NAALADL2: variants seen among roughly 807,000 people sequenced by gnomAD.
NAALADL2 encodes N-acetylated alpha-linked acidic dipeptidase like 2.
Under a neutral mutation model 87.2 loss-of-function variants are expected in NAALADL2, and 76 were observed. That is an observed-to-expected ratio of 0.87 (90% CI 0.72 to 1.05). The LOEUF (loss-of-function observed/expected upper bound fraction) is 1.05. Among genes scored for constraint, NAALADL2 ranks in the 50% least tolerant of loss-of-function variants. The pLI, the probability that NAALADL2 is intolerant of heterozygous loss-of-function variation, is 0.00. For synonymous variants in NAALADL2, 354 were observed against 331.0 expected (o/e 1.07, Z -0.75); for missense variants, 1,089 against 945.8 (o/e 1.15, Z -1.99).
intron 1 of NAALADL2, among the ~76,000 whole-genome samples, chr3:174,898,634 C>G (rs1731918016): frequency 6.6e-6 from 1 of 151,452 alleles, no homozygotes; most frequent in Non-Finnish European, 1.5e-5. Flanking sequence ...TATACATCTA[C>G]TATGTACTCA....
chr3:175,633,039 C>T (rs939899291), intron 11 of NAALADL2, among the ~76,000 whole-genome samples: 19 of 152,150 alleles, frequency 1.2e-4, no homozygotes, highest in Admixed American at 1.2e-3. Flanking sequence ...CTTAGCAACA[C>T]TGGTCCAGCT....
At chr3:175,485,400 C>G (rs1227255864) in intron 9 of NAALADL2, among the ~76,000 whole-genome samples, 1 of 152,114 alleles carries the variant, frequency 6.6e-6, no homozygotes, top group Non-Finnish European at 1.5e-5. Context: ...CACACGATCA[C>G]AAGGTATTAG....
intron 2 of NAALADL2, among the ~76,000 whole-genome samples, chr3:174,646,245 G>A (rs1723770349): frequency 6.6e-6 from 1 of 152,110 alleles, no homozygotes; most frequent in South Asian, 2.1e-4. Context: ...GCCTGATTCT[G>A]TAGTTCTGGT....
At chr3:174,630,353 G>T (rs569469347) in intron 2 of NAALADL2, among the ~76,000 whole-genome samples, 27 of 151,954 alleles carry the variant, frequency 1.8e-4, no homozygotes, top group Non-Finnish European at 3.7e-4. Context: ...GAAAACCTGG[G>T]TCATACATTT....
rs867482275 is a variant in NAALADL2 at position 175,523,575 on chromosome 3, C to G, written c.1653+51817C>G. 2.6e-5 allele frequency among the ~76,000 whole-genome samples: 4 copies of G among 152,304 alleles called. No homozygotes were observed. The Middle Eastern group carries it at 0.01, about 389-fold the overall frequency. On this transcript the variant is annotated intron_variant, in intron 9 of 13. Transcript: ENST00000454872. Reference sequence around the variant, plus strand: ...AAAATTTTCTTTTTAATCCTCCGCACGGCAAGTTACTTCTCTAGAAGCGAA... The same window carrying G: ...AAAATTTTCTTTTTAATCCTCCGCAGGGCAAGTTACTTCTCTAGAAGCGAA...
At chr3:174,701,298 C>A (rs923475537) in intron 2 of NAALADL2, among the ~76,000 whole-genome samples, 1 of 151,468 alleles carries the variant, frequency 6.6e-6, no homozygotes, top group African/African-American at 2.4e-5. Context: ...ACACCTAGCA[C>A]TGAAAATTGT....
chr3:174,631,075 ATATTATTAT>A (rs1722068159), intron 2 of NAALADL2, among the ~76,000 whole-genome samples: 1 of 151,974 alleles, frequency 6.6e-6, no homozygotes, highest in South Asian at 2.1e-4. Flanking sequence ...GATTCTGCAC[ATATTATTAT>A]TATCCCTTAG....
intron 1 of NAALADL2, among the ~76,000 whole-genome samples, chr3:174,931,123 C>T (rs1359323452): frequency 3.9e-5 from 6 of 152,012 alleles, no homozygotes; most frequent in Admixed American, 1.3e-4. Context: ...GGGGCTGAAT[C>T]GATCAAAATA....
At chr3:175,258,018 A>T (rs1465212387) in intron 4 of NAALADL2, among the ~76,000 whole-genome samples, 3 of 152,128 alleles carry the variant, frequency 2.0e-5, no homozygotes, top group Non-Finnish European at 1.5e-5. Context: ...TAGTTAAATG[A>T]AACGATGGGG....
chr3:175,326,055 C>T (rs1412270519), intron 5 of NAALADL2, among the ~76,000 whole-genome samples: 1 of 152,190 alleles, frequency 6.6e-6, no homozygotes. Context: ...TTTCATTTTA[C>T]TGTAAACAGT....
intron 3 of NAALADL2, among the ~76,000 whole-genome samples, chr3:174,802,652 GC>G (rs1304420124): frequency 1.3e-5 from 2 of 152,178 alleles, no homozygotes; most frequent in East Asian, 3.9e-4. Context: ...CTCCCGACAG[GC>G]CCCGGTGTGT....
chr3:175,176,300 G>A (rs1338685282), intron 2 of NAALADL2, among the ~76,000 whole-genome samples: 1 of 151,856 alleles, frequency 6.6e-6, no homozygotes, highest in East Asian at 1.9e-4. Context: ...AGCAACACTT[G>A]GTTTACTAAA....
intron 2 of NAALADL2, among the ~76,000 whole-genome samples, chr3:175,144,395 G>T (rs1180651228): frequency 6.6e-6 from 1 of 151,978 alleles, no homozygotes; most frequent in East Asian, 1.9e-4. Context: ...TGTAGAAAAA[G>T]CCCATTCATC....
intron 11 of NAALADL2, among the ~76,000 whole-genome samples, chr3:175,713,749 A>C (rs1277558779): frequency 6.6e-6 from 1 of 151,786 alleles, no homozygotes; most frequent in Non-Finnish European, 1.5e-5. Context: ...TTTTTTTAAT[A>C]CTTTAAGTTC....
At chr3:175,070,251 G>C (rs1160780871) in intron 1 of NAALADL2, among the ~76,000 whole-genome samples, 1 of 151,588 alleles carries the variant, frequency 6.6e-6, no homozygotes. Flanking sequence ...ATTGTCTTAG[G>C]CATTTTATGT....
At chr3:175,357,678 G>A (rs1764546506) in intron 5 of NAALADL2, among the ~76,000 whole-genome samples, 2 of 152,086 alleles carry the variant, frequency 1.3e-5, no homozygotes, top group Admixed American at 6.6e-5. Context: ...AACCTAACAA[G>A]ATATGTCAGA....
At chr3:174,981,355 A>G (rs894225698) in intron 1 of NAALADL2, among the ~76,000 whole-genome samples, 1 of 152,160 alleles carries the variant, frequency 6.6e-6, no homozygotes, top group Admixed American at 6.5e-5. Flanking sequence ...AACATTTTTA[A>G]AAGTATTTTA....
rs1013204105 is a variant in NAALADL2, at chr3:174,522,964, A to C, written c.-183-27605A>C. 1.3e-4 allele frequency among the ~76,000 whole-genome samples: 19 copies of C among 151,516 alleles called. No individual in the cohort carries two copies. In the South Asian group the frequency reaches 1.9e-3, roughly 15 times the overall value. On this transcript the variant is annotated intron_variant, in intron 1 of 3. Coordinates refer to the NAALADL2 transcript ENST00000434257. ...AAAAAAAAAAAAAAAAAAAGAAAAA[A>C]AACAACAACAAGGAAAAGAAACTCT... is the stretch of plus-strand genomic sequence containing the variant.
intron 1 of NAALADL2, among the ~76,000 whole-genome samples, chr3:175,089,566 C>T (rs1719686605): frequency 6.6e-6 from 1 of 152,034 alleles, no homozygotes; most frequent in Non-Finnish European, 1.5e-5. Flanking sequence ...TATAGTAATT[C>T]TTGGCTCATT....
Sources: gnomAD v4.1 joint callset for allele counts (sites outside exome capture counted in the v4.1 genomes callset) on GRCh38, gnomAD v4.1.1 for gene constraint, MANE v1.5 for transcripts, NCBI Gene and HGNC (gene_info 2026-07-23, HGNC 2026-07-21) for gene names.